Variants in TNS3 observed in about 807,000 individuals in gnomAD.
TNS3 encodes the protein tensin 3, also known as tensin-3.
A neutral mutation model predicts 140.9 loss-of-function variants in TNS3; 45 were observed. The observed-to-expected ratio is 0.32, with a 90% CI of 0.25 to 0.41. TNS3 has a LOEUF of 0.41. TNS3 is among the 10% of genes least tolerant of loss of function. The pLI is 1.00. For synonymous variants in TNS3, 815 were observed against 788.4 expected, an observed-to-expected ratio of 1.03 and a Z score of -0.56; for missense variants, 1,716 against 1,906.7, an observed-to-expected ratio of 0.90 and a Z score of 1.86.
At chr7:47,475,816 CA>C (rs976924495) in intron 4 of TNS3, among the ~76,000 whole-genome samples, 2 of 152,216 alleles carry the variant, frequency 1.3e-5, no homozygotes, top group African/African-American at 4.8e-5. Flanking sequence ...AAAGATCCTG[CA>C]AACCTGCAAC....
At chr7:47,365,868 C>T (rs1302530750) in intron 17 of TNS3, among the ~76,000 whole-genome samples, 2 of 152,150 alleles carry the variant, frequency 1.3e-5, no homozygotes, top group Non-Finnish European at 2.9e-5. Flanking sequence ...GGCCTTATAA[C>T]TGTTTCTTTG....
chr7:47,437,235 G>A, intron 7 of TNS3, 28 bp downstream of exon 7: 1 of 1,494,536 alleles, frequency 6.7e-7, no homozygotes, highest in Non-Finnish European at 9.0e-7. Context: ...TTTACAAAAT[G>A]CAGAATATAA....
At chr7:47,345,713 G>A (rs376308392) in intron 18 of TNS3, among the ~76,000 whole-genome samples, 1 of 152,172 alleles carries the variant, frequency 6.6e-6, no homozygotes, top group South Asian at 2.1e-4. Context: ...CACCTCCTAG[G>A]GAGGTCTCGG....
chr7:47,463,933 A>G (rs1046385957), intron 4 of TNS3, among the ~76,000 whole-genome samples: 32 of 152,176 alleles, frequency 2.1e-4, no homozygotes, highest in African/African-American at 4.8e-5. Context: ...ATTGCTAGAA[A>G]CTTGCCAGTT....
chr7:47,503,562 T>A (rs1018263322), intron 3 of TNS3, among the ~76,000 whole-genome samples: 1 of 148,630 alleles, frequency 6.7e-6, no homozygotes, highest in Non-Finnish European at 1.5e-5. Context: ...AACTTTCAAG[T>A]GATTGTACAT....
chr7:47,571,619 C>T (rs1315240070), intron 1 of TNS3, among the ~76,000 whole-genome samples: 1 of 152,258 alleles, frequency 6.6e-6, no homozygotes, highest in Non-Finnish European at 1.5e-5. Context: ...CGATCACAGT[C>T]GGCCAAAAGC....
chr7:47,491,997 G>C (rs73695351), intron 3 of TNS3, among the ~76,000 whole-genome samples: 4 of 152,116 alleles, frequency 2.6e-5, no homozygotes, highest in Admixed American at 1.3e-4. Context: ...GCAAATGAAG[G>C]AACGCTTTTT....
At chr7:47,559,540 G>C (rs117157550) in intron 1 of TNS3, among the ~76,000 whole-genome samples, 5 of 152,006 alleles carry the variant, frequency 3.3e-5, no homozygotes, top group African/African-American at 1.2e-4. Context: ...TCATCTTTAC[G>C]CACCCCAGGA....
At chr7:47,482,223 T>C (rs1052398297) in intron 3 of TNS3, among the ~76,000 whole-genome samples, 22 of 152,216 alleles carry the variant, frequency 1.4e-4, no homozygotes, top group Middle Eastern at 3.2e-3. Context: ...ATCTGACTAA[T>C]TGTACTTGTG....
At chr7:47,403,169 G>A (rs1435975007) in intron 13 of TNS3, 1 of 152,604 alleles carries the variant, frequency 6.6e-6, no homozygotes, top group Non-Finnish European at 1.5e-5. Flanking sequence ...CCCTCTTCAG[G>A]AATCCAGGAT....
At chr7:47,363,433 A>G (rs1251340344) in intron 17 of TNS3, among the ~76,000 whole-genome samples, 4 of 152,214 alleles carry the variant, frequency 2.6e-5, no homozygotes, top group Non-Finnish European at 5.9e-5. Flanking sequence ...CATCTCATAA[A>G]TAATGCAGGA....
At chr7:47,497,019 G>C (rs138008770) in intron 3 of TNS3, among the ~76,000 whole-genome samples, 8 of 148,130 alleles carry the variant, frequency 5.4e-5, no homozygotes, top group African/African-American at 1.8e-4. Context: ...CCACGGCTCT[G>C]CCATTAGCCA....
intron 1 of TNS3, among the ~76,000 whole-genome samples, chr7:47,561,335 T>G (rs1430293571): frequency 2.0e-5 from 3 of 152,144 alleles, no homozygotes; most frequent in Non-Finnish European, 4.4e-5. Flanking sequence ...GTTCCACTTC[T>G]CTAATGTGGT....
At chr7:47,487,845 C>A (rs926055210) in intron 3 of TNS3, among the ~76,000 whole-genome samples, 2 of 152,100 alleles carry the variant, frequency 1.3e-5, no homozygotes, top group Non-Finnish European at 2.9e-5. Flanking sequence ...AAAAACAATT[C>A]TTTTTAAAGA....
intron 3 of TNS3, among the ~76,000 whole-genome samples, chr7:47,489,371 G>A (rs141866359): frequency 2.4e-4 from 37 of 152,282 alleles, no homozygotes; most frequent in Admixed American, 1.3e-3. Flanking sequence ...GCTTGGTCTC[G>A]GCTCTTCTCA....
In TNS3 at chr7:47,415,574, G is replaced by A. The variant is rs551459197; in HGVS notation, c.474-368C>T. ...GCAGAGGCCTGGCACACCGGTGGGC[G>A]TGTGCTCTGTCACTAGCATTGCACC... On this transcript the variant is annotated intron_variant, in intron 10 of 30. Coordinates refer to ENST00000311160, the MANE Select transcript of TNS3 (RefSeq NM_022748.12). Among the ~76,000 whole-genome samples the A allele has an allele frequency of 1.3e-4, 20 of 152,342 alleles. No homozygotes were observed. In the South Asian group the frequency reaches 2.1e-3, roughly 16 times the overall value.
chr7:47,567,415 T>TGA (rs1800452732), intron 1 of TNS3, among the ~76,000 whole-genome samples: 1 of 152,192 alleles, frequency 6.6e-6, no homozygotes, highest in African/African-American at 2.4e-5. Context: ...CCAGGCACAG[T>TGA]GGCTCACACC....
chr7:47,486,790 T>C (rs578109456), intron 3 of TNS3, among the ~76,000 whole-genome samples: 9 of 152,254 alleles, frequency 5.9e-5, no homozygotes, highest in Non-Finnish European at 1.2e-4. Flanking sequence ...AATTTCACTT[T>C]GTAAACAGCC....
At chr7:47,439,886 G>A (rs370743022) in intron 5 of TNS3, among the ~76,000 whole-genome samples, 54 of 152,238 alleles carry the variant, frequency 3.5e-4, no homozygotes, top group East Asian at 3.1e-3. Context: ...AGGGCATGAC[G>A]GGGTACCGCA....
Sources: allele counts gnomAD v4.1 joint callset (sites outside exome capture counted in the v4.1 genomes callset), GRCh38; gene constraint gnomAD v4.1.1; transcripts MANE v1.5; gene names NCBI Gene and HGNC (gene_info 2026-07-23, HGNC 2026-07-21).